RBFOX1: variants seen among roughly 807,000 people sequenced by gnomAD.
RBFOX1 encodes RNA binding fox-1 homolog 1, also known as RNA binding protein fox-1 homolog 1.
A neutral mutation model predicts 57.7 loss-of-function variants in RBFOX1; 8 were observed. That is an observed-to-expected ratio of 0.14 (90% CI 0.08 to 0.25). The LOEUF (loss-of-function observed/expected upper bound fraction) is 0.25. Ranked by LOEUF, RBFOX1 falls within the 10% of genes least tolerant of loss-of-function variation. RBFOX1 has a pLI of 1.00. For missense variants in RBFOX1, 611 were observed against 548.5 expected (o/e 1.11, Z -1.14); for synonymous variants, 326 against 222.4 (o/e 1.47, Z -4.15).
intron 3 of RBFOX1, among the ~76,000 whole-genome samples, chr16:6,728,302 C>T (rs2067712351): frequency 6.6e-6 from 1 of 152,144 alleles, no homozygotes; most frequent in African/African-American, 2.4e-5. Flanking sequence ...TTGCAGTTTA[C>T]TTATCAAATA....
At chr16:5,761,164 T>C (rs1311659294) in intron 3 of RBFOX1, among the ~76,000 whole-genome samples, 1 of 152,188 alleles carries the variant, frequency 6.6e-6, no homozygotes, top group Non-Finnish European at 1.5e-5. Flanking sequence ...CTTCTGTAGA[T>C]GTGGGAGGCA....
intron 4 of RBFOX1, among the ~76,000 whole-genome samples, chr16:7,474,319 G>A (rs192201205): frequency 6.6e-4 from 101 of 152,130 alleles, no homozygotes; most frequent in Admixed American, 6.0e-3. Context: ...ACAAAAAGCA[G>A]CCCCCCATCT....
chr16:6,662,653 A>T (rs1468606811), intron 3 of RBFOX1, among the ~76,000 whole-genome samples: 3 of 147,602 alleles, frequency 2.0e-5, no homozygotes, highest in Non-Finnish European at 3.0e-5. Flanking sequence ...GTGGTTGGTT[A>T]AAAAAAAAAG....
intron 3 of RBFOX1, among the ~76,000 whole-genome samples, chr16:6,678,347 C>A (rs905149271): frequency 6.6e-6 from 1 of 152,072 alleles, no homozygotes; most frequent in Non-Finnish European, 1.5e-5. Flanking sequence ...CTGGTTTGAA[C>A]TCCTGACCTC....
chr16:7,495,117 G>T (rs1234313701), intron 4 of RBFOX1, among the ~76,000 whole-genome samples: 1 of 152,098 alleles, frequency 6.6e-6, no homozygotes, highest in Non-Finnish European at 1.5e-5. Flanking sequence ...ATTGCCTCCA[G>T]CTGCATCCAT....
rs182854189 is a variant in RBFOX1, at chr16:7,580,620, C to G, written c.414+700C>G. 1.3e-3 allele frequency among the ~76,000 whole-genome samples: 203 copies of G among 152,326 alleles called. 1 individual carries two copies. Among genetic ancestry groups the G allele is most frequent in the African/African-American group, 4.7e-3 (197 of 41,578 alleles). On this transcript the variant is annotated intron_variant, in intron 6 of 15. Coordinates refer to ENST00000550418, the MANE Select transcript of RBFOX1 (RefSeq NM_018723.4). ...ACACAGAGCAGGCCACAAGTCACCA[C>G]TGACCCAGGAGAAAATAATAGCATT...
chr16:7,052,520 G>C (rs1042436788), intron 4 of RBFOX1, among the ~76,000 whole-genome samples: 1 of 152,170 alleles, frequency 6.6e-6, no homozygotes, highest in Non-Finnish European at 1.5e-5. Flanking sequence ...AATATGTCAA[G>C]GGCGTTTTCT....
At chr16:6,868,774 A>G (rs1235298878) in intron 3 of RBFOX1, among the ~76,000 whole-genome samples, 2 of 152,124 alleles carry the variant, frequency 1.3e-5, no homozygotes, top group Non-Finnish European at 2.9e-5. Flanking sequence ...CCCGGCCAGT[A>G]TTTCTTAAAG....
At chr16:6,999,807 C>G (rs1159253373) in intron 3 of RBFOX1, among the ~76,000 whole-genome samples, 1 of 152,106 alleles carries the variant, frequency 6.6e-6, no homozygotes, top group African/African-American at 2.4e-5. Flanking sequence ...CATGTTGGCT[C>G]ATGCCTGTAA....
At chr16:6,479,643 C>G (rs1334347678) in intron 2 of RBFOX1, among the ~76,000 whole-genome samples, 1 of 152,064 alleles carries the variant, frequency 6.6e-6, no homozygotes, top group Non-Finnish European at 1.5e-5. Flanking sequence ...GGAACTCACC[C>G]ACTATCATGA....
intron 3 of RBFOX1, chr16:5,610,221 A>T (rs987344369): frequency 2.0e-5 from 3 of 152,252 alleles, no homozygotes; most frequent in African/African-American, 7.2e-5. Flanking sequence ...CCCAGCACCT[A>T]TGCCTGTGCC....
chr16:7,345,979 C>T (rs1294362931), intron 4 of RBFOX1, among the ~76,000 whole-genome samples: 1 of 152,166 alleles, frequency 6.6e-6, no homozygotes, highest in African/African-American at 2.4e-5. Context: ...CCTCCCAGCT[C>T]CTCCAACCCC....
chr16:7,473,029 A>G (rs1171466848), intron 4 of RBFOX1, among the ~76,000 whole-genome samples: 7 of 152,152 alleles, frequency 4.6e-5, no homozygotes, highest in Non-Finnish European at 2.9e-5. Context: ...TATATTCAAA[A>G]AGCAGAAGAA....
chr16:6,601,787 C>A (rs1323015790), intron 2 of RBFOX1, among the ~76,000 whole-genome samples: 1 of 152,170 alleles, frequency 6.6e-6, no homozygotes, highest in Admixed American at 6.5e-5. Flanking sequence ...CCAAAGCAAA[C>A]AGGACCTTGC....
intron 1 of RBFOX1, among the ~76,000 whole-genome samples, chr16:5,381,714 A>G (rs952024070): frequency 3.0e-4 from 45 of 152,318 alleles, no homozygotes; most frequent in African/African-American, 9.6e-4. Context: ...TGTTGAATGG[A>G]AGTGATGATG....
intron 4 of RBFOX1, among the ~76,000 whole-genome samples, chr16:7,488,388 T>C (rs2065975894): frequency 6.6e-6 from 1 of 152,144 alleles, no homozygotes; most frequent in African/African-American, 2.4e-5. Context: ...TACAGATATA[T>C]ATGGACCTCT....
At chr16:6,399,938 C>T (rs777264326) in intron 2 of RBFOX1, among the ~76,000 whole-genome samples, 1 of 152,112 alleles carries the variant, frequency 6.6e-6, no homozygotes, top group Non-Finnish European at 1.5e-5. Flanking sequence ...AGAACTCACC[C>T]ACTATCACGA....
intron 10 of RBFOX1, among the ~76,000 whole-genome samples, chr16:7,609,276 G>A (rs1255106182): frequency 6.6e-6 from 1 of 152,126 alleles, no homozygotes; most frequent in Non-Finnish European, 1.5e-5. Context: ...GGTGGAGAGG[G>A]CAAAATGCAT....
At chr16:6,619,630 C>G (rs567648170) in intron 2 of RBFOX1, among the ~76,000 whole-genome samples, 1 of 151,048 alleles carries the variant, frequency 6.6e-6, no homozygotes, top group Admixed American at 6.6e-5. Context: ...TGTGCGTAAA[C>G]CTGTGCCCCT....
Sources: allele counts gnomAD v4.1 joint callset (sites outside exome capture counted in the v4.1 genomes callset), GRCh38; gene constraint gnomAD v4.1.1; transcripts MANE v1.5; gene names NCBI Gene and HGNC (gene_info 2026-07-23, HGNC 2026-07-21).